The following C6orf163 variants were observed in gnomAD, a reference collection of about 807,000 sequenced individuals.
C6orf163 encodes uncharacterized protein C6orf163.
Under a neutral mutation model 28.4 loss-of-function variants are expected in C6orf163, and 22 were observed. The ratio of observed to expected loss-of-function variants is 0.78; its 90% CI spans 0.55 to 1.11. C6orf163 has a LOEUF of 1.11. C6orf163 is among the 50% of genes least tolerant of loss of function. The pLI, the probability that C6orf163 is intolerant of heterozygous loss-of-function variation, is 0.00. For missense variants in C6orf163, 342 were observed against 389.1 expected (o/e 0.88, Z 1.02); for synonymous variants, 110 against 123.6 (o/e 0.89, Z 0.73).
chr6:87,363,495 G>A (rs556750337), intron 4 of C6orf163, among the ~76,000 whole-genome samples: 204 of 148,696 alleles, frequency 1.4e-3, no homozygotes, highest in African/African-American at 4.1e-3. Flanking sequence ...ATCCCTCCCC[G>A]CTCCCCCCAC....
At chr6:87,364,266 C>T (rs566421822) in intron 4 of C6orf163, among the ~76,000 whole-genome samples, 7 of 141,204 alleles carry the variant, frequency 5.0e-5, no homozygotes, top group South Asian at 5.1e-4. Context: ...GCCTGGGTGA[C>T]GGCAAGACAC....
intron 1 of C6orf163, 173 bp from the exon 2 acceptor site, chr6:87,348,638 TC>T: frequency 7.2e-7 from 1 of 1,389,306 alleles, no homozygotes; most frequent in Non-Finnish European, 9.3e-7. Context: ...GTGAATTCCC[TC>T]CTAATCAGAG....
rs929634763 is a variant in C6orf163 at position 87,365,253 on chromosome 6, C to T, written c.847C>T (p.Gln283Ter). ...GAAAGATTTCCTAGAGGAGGAATTA[C>T]AGGAAACCAGGATGGCATTTCAAAA... ...NWKDFLEEEL[Q>*]ETRMAFQKYI... The change falls in exon 5 of 5, where the codon CAG becomes TAG. Residue 283 changes from glutamine (Q) to a stop codon, truncating the protein, a stop_gained. Coordinates refer to ENST00000388923, the MANE Select transcript of C6orf163 (RefSeq NM_001010868.3). LOFTEE classifies it high-confidence loss of function. 1 of 1,551,686 alleles carries T rather than the reference C, an allele frequency of 6.4e-7. No homozygotes were observed. Among genetic ancestry groups the T allele is most frequent in the Non-Finnish European group, 8.7e-7 (1 of 1,146,960 alleles).
In C6orf163 at chr6:87,345,292, T is replaced by A. The variant is rs1035490564; in HGVS notation, c.148+45T>A. 35 of 1,453,886 alleles carry A rather than the reference T, an allele frequency of 2.4e-5. No individual in the cohort carries two copies. In the African/African-American group the frequency reaches 4.9e-4, roughly 20 times the overall value. The allele number at this position is 1,453,886 out of a possible 1,614,324, so 90.1% of individuals were successfully genotyped here. A position where few individuals can be genotyped will look rare whatever the true frequency, so the allele number is the denominator to read the frequency against. On this transcript the variant is annotated intron_variant, in intron 1 of 4. Coordinates refer to ENST00000388923, the MANE Select transcript of C6orf163 (RefSeq NM_001010868.3). Reference sequence around the variant, plus strand: ...TCCTTTGTTCTAATGCTTCATAGCCTTATGTGTCATTCTTTCTGTTACATA... The same window carrying A: ...TCCTTTGTTCTAATGCTTCATAGCCATATGTGTCATTCTTTCTGTTACATA...
At chr6:87,364,889 G>A (rs922417397) in intron 4 of C6orf163, 72 bp from the exon 5 acceptor site, 29 of 1,167,822 alleles carry the variant, frequency 2.5e-5, no homozygotes, top group South Asian at 4.7e-5. Context: ...ATTCATCTGC[G>A]TTTAAAGATG....
chr6:87,364,821 C>T, intron 4 of C6orf163, 140 bp from the exon 5 acceptor site: 3 of 653,202 alleles, frequency 4.6e-6, no homozygotes, highest in Non-Finnish European at 7.8e-6. Flanking sequence ...CTAATGCAAT[C>T]CAAAAGCTCA....
chr6:87,350,498 A>G lies in C6orf163; in HGVS notation c.348A>G (p.Leu116=). 1.3e-6 allele frequency: 2 copies of G among 1,503,854 alleles called. No homozygotes were observed. The highest frequency in any genetic ancestry group is 1.8e-6 in the Non-Finnish European group (2 of 1,118,060). 93.2% of individuals were successfully genotyped at this position (1,503,854 alleles called of 1,614,324 possible). A position where few individuals can be genotyped will look rare whatever the true frequency, so the allele number is the denominator to read the frequency against. Residue 116 remains leucine (L), a synonymous_variant, in exon 3 of 5, where the codon TTA becomes TTG. Transcript: ENST00000388923. ...TGAAAGAGGAACATCAGAAAGATTTACAGGTTTTTATAGTGGCTTATTTGT... is the reference window on the plus strand; with the variant it reads ...TGAAAGAGGAACATCAGAAAGATTTGCAGGTTTTTATAGTGGCTTATTTGT... ...QILKEEHQKD[L]QEVTAKTKTE...
At chr6:87,350,931 G>A (rs1777403020) in intron 3 of C6orf163, among the ~76,000 whole-genome samples, 1 of 152,218 alleles carries the variant, frequency 6.6e-6, no homozygotes, top group African/African-American at 2.4e-5. Flanking sequence ...GACTTAGTAG[G>A]TGCTCAAATA....
At chr6:87,356,730 G>A (rs1777508179) in intron 4 of C6orf163, 1 of 457,358 alleles carries the variant, frequency 2.2e-6, no homozygotes, top group African/African-American at 1.9e-5. Flanking sequence ...CCAGCTTAAG[G>A]GATTGAAAAT....
At chr6:87,349,029 A>C in intron 2 of C6orf163, 123 bp downstream of exon 2, 1 of 1,263,058 alleles carries the variant, frequency 7.9e-7, no homozygotes, top group East Asian at 2.6e-5. Context: ...GCTGTGGGAC[A>C]TTGGGCAAGT....
At chr6:87,361,179 G>A (rs1449963997) in intron 4 of C6orf163, among the ~76,000 whole-genome samples, 2 of 152,224 alleles carry the variant, frequency 1.3e-5, no homozygotes, top group Middle Eastern at 3.4e-3. Flanking sequence ...CAGCTATTCC[G>A]GAGGCTGAGG....
chr6:87,362,534 C>T (rs1248288818), intron 4 of C6orf163, among the ~76,000 whole-genome samples: 1 of 152,088 alleles, frequency 6.6e-6, no homozygotes. Context: ...AATGAGATAT[C>T]GTGCATGTAA....
chr6:87,348,819 G>A lies in C6orf163; in HGVS notation c.156G>A (p.Gly52=), dbSNP rs142356753. Residue 52 remains glycine, a synonymous_variant, in exon 2 of 5, where the codon GGG becomes GGA. Coordinates refer to ENST00000388923, the MANE Select transcript of C6orf163 (RefSeq NM_001010868.3). Reference sequence around the variant, plus strand: ...TGCTCTTCAAATACACAGATATTGGGGCAAATATTCTGAAAAAAGAAGAGC... The same window carrying A: ...TGCTCTTCAAATACACAGATATTGGAGCAAATATTCTGAAAAAAGAAGAGC... ...FYTHKDILDI[G]ANILKKEEQF... is the part of the protein sequence containing the mutation. 78 of 1,537,224 alleles carry A rather than the reference G, an allele frequency of 5.1e-5. No individual in the cohort carries two copies. In the East Asian group the frequency reaches 1.9e-3, roughly 38 times the overall value.
chr6:87,352,964 GACTC>G lies in C6orf163; in HGVS notation c.351+2469_351+2472del, dbSNP rs1317317536. Among the ~76,000 whole-genome samples, 5 of 152,136 alleles carry G rather than the reference GACTC, an allele frequency of 3.3e-5. 1 individual carries two copies. Among genetic ancestry groups the G allele is most frequent in the African/African-American group, 1.2e-4 (5 of 41,438 alleles). ...CTTACAATATCTCAAAACGTGGGGT[GACTC>G]ACTCAAGATGCATTTCAGTAAAAGC... On this transcript the variant is annotated intron_variant, in intron 3 of 4. Transcript: ENST00000388923.
intron 4 of C6orf163, chr6:87,356,741 T>G: frequency 2.3e-6 from 1 of 441,532 alleles, no homozygotes; most frequent in Non-Finnish European, 4.1e-6. Context: ...GATTGAAAAT[T>G]GCTGTTTTCT....
chr6:87,356,002 A>T (rs922057923), intron 3 of C6orf163: 2 of 287,820 alleles, frequency 6.9e-6, no homozygotes, highest in African/African-American at 2.1e-5. Context: ...GAATATTTAG[A>T]CAATCAAGAA....
intron 4 of C6orf163, among the ~76,000 whole-genome samples, chr6:87,364,711 G>T (rs1017050891): frequency 2.6e-5 from 4 of 152,146 alleles, no homozygotes; most frequent in Non-Finnish European, 2.9e-5. Flanking sequence ...GGTTCCTAAA[G>T]TTGCCGTTAG....
intron 1 of C6orf163, chr6:87,347,263 C>T (rs1220845288): frequency 3.0e-6 from 1 of 328,466 alleles, no homozygotes. Context: ...GCACAATGCC[C>T]TTGAGATTCA....
chr6:87,355,478 C>T (rs536093651), intron 3 of C6orf163, among the ~76,000 whole-genome samples: 28 of 152,102 alleles, frequency 1.8e-4, no homozygotes, highest in Admixed American at 2.0e-4. Flanking sequence ...GGAGGACTGC[C>T]TGAGCCTGGG....
Sources: allele counts gnomAD v4.1 joint callset (sites outside exome capture counted in the v4.1 genomes callset), GRCh38; gene constraint gnomAD v4.1.1; transcripts MANE v1.5; gene names NCBI Gene and HGNC (gene_info 2026-07-23, HGNC 2026-07-21).